Variants in NLGN1 observed in about 807,000 individuals in gnomAD.
NLGN1 encodes the protein neuroligin-1.
In NLGN1, 12 loss-of-function variants were observed where a neutral mutation model predicts 65.5. That is an observed-to-expected ratio of 0.18 (90% confidence interval 0.12 to 0.30). NLGN1 has a LOEUF of 0.30. Among genes scored for constraint, NLGN1 ranks in the 10% least tolerant of loss-of-function variants. The pLI is 1.00. For synonymous variants in NLGN1, 350 were observed against 359.5 expected, an observed-to-expected ratio of 0.97 and a Z score of 0.30; for missense variants, 750 against 1,007.1, an observed-to-expected ratio of 0.74 and a Z score of 3.46.
At chr3:174,255,613 C>T (rs566286818) in intron 4 of NLGN1, among the ~76,000 whole-genome samples, 1 of 133,760 alleles carries the variant, frequency 7.5e-6, no homozygotes, top group Non-Finnish European at 1.5e-5. Flanking sequence ...AGAACTAAGT[C>T]TTTTTCTCTT....
intron 4 of NLGN1, among the ~76,000 whole-genome samples, chr3:173,960,549 C>T (rs567720403): frequency 2.6e-5 from 4 of 151,916 alleles, no homozygotes; most frequent in South Asian, 2.1e-4. Flanking sequence ...TGGCTTAAGA[C>T]GTATCTACCA....
At chr3:173,947,426 G>A (rs1377420176) in intron 4 of NLGN1, among the ~76,000 whole-genome samples, 1 of 152,086 alleles carries the variant, frequency 6.6e-6, no homozygotes, top group Non-Finnish European at 1.5e-5. Context: ...ACTGTCCTTA[G>A]CACTTTGTAT....
At chr3:174,157,301 C>A (rs1297729011) in intron 4 of NLGN1, among the ~76,000 whole-genome samples, 1 of 151,812 alleles carries the variant, frequency 6.6e-6, no homozygotes, top group Non-Finnish European at 1.5e-5. Context: ...CCTTAGAACA[C>A]GTTTTTCCCC....
chr3:173,424,560 C>T (rs1715740910), intron 1 of NLGN1, among the ~76,000 whole-genome samples: 1 of 152,212 alleles, frequency 6.6e-6, no homozygotes, highest in Admixed American at 6.5e-5. Context: ...TTAGAAATTT[C>T]TTCCAGCAGA....
chr3:173,677,445 T>G (rs569055251), intron 3 of NLGN1, among the ~76,000 whole-genome samples: 7 of 152,184 alleles, frequency 4.6e-5, no homozygotes, highest in South Asian at 2.1e-4. Context: ...TACTTTAATT[T>G]TTAATAAATT....
chr3:174,027,953 T>C (rs2152468235), intron 4 of NLGN1, among the ~76,000 whole-genome samples: 1 of 152,286 alleles, frequency 6.6e-6, no homozygotes, highest in African/African-American at 2.4e-5. Flanking sequence ...TCCCCCATAC[T>C]GTTCTCATGT....
chr3:174,184,595 C>T (rs4894650), intron 4 of NLGN1, among the ~76,000 whole-genome samples: 109,894 of 152,006 alleles, frequency 0.72, 39,876 homozygotes, highest in Admixed American at 0.76. Context: ...GCCACTATAT[C>T]GATCAGTCAG....
At chr3:173,726,093 G>A (rs535146858) in intron 3 of NLGN1, among the ~76,000 whole-genome samples, 6 of 151,922 alleles carry the variant, frequency 3.9e-5, no homozygotes, top group Admixed American at 1.3e-4. Context: ...GAGTAAAGTC[G>A]CCTTTTCCTT....
At chr3:174,049,076 C>G (rs1734238196) in intron 4 of NLGN1, among the ~76,000 whole-genome samples, 2 of 151,946 alleles carry the variant, frequency 1.3e-5, no homozygotes, top group Admixed American at 1.3e-4. Flanking sequence ...AAAATTACAC[C>G]TACAAGACAA....
intron 3 of NLGN1, among the ~76,000 whole-genome samples, chr3:173,799,744 TCA>T (rs1352816284): frequency 6.6e-6 from 1 of 151,838 alleles, no homozygotes; most frequent in East Asian, 1.9e-4. Context: ...TTTTAAAAAG[TCA>T]CAGTTTTGAA....
intron 4 of NLGN1, among the ~76,000 whole-genome samples, chr3:174,099,833 A>C (rs953590717): frequency 2.0e-5 from 3 of 152,156 alleles, no homozygotes; most frequent in African/African-American, 4.8e-5. Context: ...ATAAACTGTG[A>C]AAATACCTGT....
At chr3:174,034,890 G>C (rs1176100889) in intron 4 of NLGN1, among the ~76,000 whole-genome samples, 1 of 152,062 alleles carries the variant, frequency 6.6e-6, no homozygotes, top group East Asian at 1.9e-4. Flanking sequence ...CTGACTGTGA[G>C]GGTGGATAAA....
chr3:173,814,696 G>A (rs1578577274), intron 4 of NLGN1, among the ~76,000 whole-genome samples: 2 of 152,254 alleles, frequency 1.3e-5, no homozygotes, highest in South Asian at 2.1e-4. Context: ...TCTATAAATT[G>A]AGCAATATTA....
intron 2 of NLGN1, among the ~76,000 whole-genome samples, chr3:173,521,121 G>GA (rs1560377253): frequency 1.3e-5 from 2 of 152,238 alleles, no homozygotes; most frequent in South Asian, 4.1e-4. Context: ...TAAGATGCAA[G>GA]AAATAATTCA....
chr3:174,290,939 A>G (rs1426334324), downstream of NLGN1, among the ~76,000 whole-genome samples: 2 of 151,030 alleles, frequency 1.3e-5, no homozygotes, highest in Non-Finnish European at 3.0e-5. Flanking sequence ...TAAGAATATA[A>G]TACAACCTAT....
chr3:173,924,617 T>C (rs1742671119), intron 4 of NLGN1, among the ~76,000 whole-genome samples: 1 of 149,234 alleles, frequency 6.7e-6, no homozygotes, highest in South Asian at 2.1e-4. Context: ...AGTATAACCC[T>C]GTCTCAAAAA....
At chr3:173,497,728 A>G (rs1281498458) in intron 2 of NLGN1, among the ~76,000 whole-genome samples, 2 of 151,610 alleles carry the variant, frequency 1.3e-5, no homozygotes, top group Admixed American at 6.6e-5. Flanking sequence ...AAATTCAGTC[A>G]TAAGAATGAA....
At chr3:173,461,439 G>A (rs1233949161) in intron 2 of NLGN1, among the ~76,000 whole-genome samples, 2 of 151,956 alleles carry the variant, frequency 1.3e-5, no homozygotes. Flanking sequence ...TCAAATGGGG[G>A]AAAGATTCTA....
chr3:174,036,696 C>A (rs1416466128), intron 4 of NLGN1, among the ~76,000 whole-genome samples: 2 of 149,658 alleles, frequency 1.3e-5, no homozygotes, highest in Non-Finnish European at 3.0e-5. Context: ...GTTATTTCAT[C>A]ACTCAGGTAT....
Sources: allele counts gnomAD v4.1 joint callset (sites outside exome capture counted in the v4.1 genomes callset), GRCh38; gene constraint gnomAD v4.1.1; transcripts MANE v1.5; gene names NCBI Gene and HGNC (gene_info 2026-07-23, HGNC 2026-07-21).